FAM107B: variants seen among roughly 807,000 people sequenced by gnomAD.
FAM107B encodes protein FAM107B.
FAM107B carries 21 observed loss-of-function variants against 31.5 expected under a neutral mutation model. The observed-to-expected ratio is 0.67, with a 90% CI of 0.47 to 0.96. The LOEUF is 0.96. FAM107B is among the 40% of genes least tolerant of loss of function. FAM107B has a pLI of 0.00. For missense variants in FAM107B, 452 were observed against 377.1 expected (o/e 1.20, Z -1.64); for synonymous variants, 157 against 141.5 (o/e 1.11, Z -0.78).
At chr10:14,679,438 G>T (rs61046421) in intron 1 of FAM107B, among the ~76,000 whole-genome samples, 52,869 of 151,730 alleles carry the variant, frequency 0.35, 10,206 homozygotes, top group Non-Finnish European at 0.43. Flanking sequence ...GCAAAAAAAA[G>T]TTGAGGTTAT....
intron 1 of FAM107B, among the ~76,000 whole-genome samples, chr10:14,740,890 T>A (rs1401151752): frequency 6.6e-6 from 1 of 152,340 alleles, no homozygotes; most frequent in East Asian, 1.9e-4. Flanking sequence ...AGTCAATACA[T>A]CCTCTTTTTA....
intron 2 of FAM107B, among the ~76,000 whole-genome samples, chr10:14,656,530 C>T (rs935382834): frequency 3.3e-5 from 5 of 152,290 alleles, no homozygotes; most frequent in Non-Finnish European, 7.3e-5. Flanking sequence ...ATTCGGGTTC[C>T]TGGCATGCAA....
intron 1 of FAM107B, among the ~76,000 whole-genome samples, chr10:14,713,474 TGCC>T (rs1321558188): frequency 6.6e-6 from 1 of 152,190 alleles, no homozygotes; most frequent in Admixed American, 6.5e-5. Flanking sequence ...ACGAATCTCT[TGCC>T]ATTTCTGGAA....
At chr10:14,733,431 G>C (rs1178189381) in intron 1 of FAM107B, among the ~76,000 whole-genome samples, 1 of 152,126 alleles carries the variant, frequency 6.6e-6, no homozygotes, top group Admixed American at 6.6e-5. Context: ...ATGATGTTAA[G>C]TAGAAATGAT....
At chr10:14,655,777 G>T (rs1478298722) in intron 2 of FAM107B, among the ~76,000 whole-genome samples, 1 of 152,210 alleles carries the variant, frequency 6.6e-6, no homozygotes, top group African/African-American at 2.4e-5. Flanking sequence ...AGGGACTGAG[G>T]CTTAACCCTC....
intron 2 of FAM107B, among the ~76,000 whole-genome samples, chr10:14,654,519 G>T (rs1305707431): frequency 6.6e-6 from 1 of 152,148 alleles, no homozygotes; most frequent in East Asian, 1.9e-4. Context: ...TGAAGGATAA[G>T]AAATCAGAGG....
At chr10:14,625,622 A>C (rs1392560451) in intron 2 of FAM107B, among the ~76,000 whole-genome samples, 1 of 152,198 alleles carries the variant, frequency 6.6e-6, no homozygotes, top group Non-Finnish European at 1.5e-5. Flanking sequence ...AACAGGCAGA[A>C]GAGACAGAAG....
At chr10:14,746,301 G>T (rs1832726087) in intron 1 of FAM107B, among the ~76,000 whole-genome samples, 1 of 152,152 alleles carries the variant, frequency 6.6e-6, no homozygotes, top group Non-Finnish European at 1.5e-5. Context: ...TTACAATTAA[G>T]GTTAATATTG....
chr10:14,643,252 C>T (rs796936486), intron 2 of FAM107B, among the ~76,000 whole-genome samples: 14 of 152,036 alleles, frequency 9.2e-5, no homozygotes, highest in African/African-American at 3.1e-4. Flanking sequence ...CAAAAGCTGG[C>T]AGGCTTAAAA....
At chr10:14,537,109 C>G (rs889854299) in intron 2 of FAM107B, among the ~76,000 whole-genome samples, 4 of 152,140 alleles carry the variant, frequency 2.6e-5, no homozygotes, top group African/African-American at 9.7e-5. Context: ...TAGGTGGCGA[C>G]ACCTCCTCAA....
intron 2 of FAM107B, chr10:14,612,407 G>A (rs1261961801): frequency 1.3e-5 from 2 of 152,208 alleles, no homozygotes; most frequent in Non-Finnish European, 2.9e-5. Flanking sequence ...GGCAGTTTCT[G>A]GAAAGGTTTT....
At chr10:14,679,008 T>C (rs947655373) in intron 1 of FAM107B, among the ~76,000 whole-genome samples, 3 of 152,192 alleles carry the variant, frequency 2.0e-5, no homozygotes, top group African/African-American at 7.2e-5. Context: ...CCTGCTGGCA[T>C]CCCACAGGGG....
At chr10:14,679,137 CT>C (rs5783418) in intron 1 of FAM107B, among the ~76,000 whole-genome samples, 1 of 150,724 alleles carries the variant, frequency 6.6e-6, no homozygotes, top group Non-Finnish European at 1.5e-5. Context: ...ATTTGTTTTC[CT>C]TTTTTTTTGG....
chr10:14,761,453 T>C (rs986407168), intron 1 of FAM107B, among the ~76,000 whole-genome samples: 1 of 152,214 alleles, frequency 6.6e-6, no homozygotes, highest in Non-Finnish European at 1.5e-5. Flanking sequence ...AGATAATACA[T>C]CTGTGTAGTA....
At chr10:14,566,903 G>C (rs1032375503) in intron 2 of FAM107B, among the ~76,000 whole-genome samples, 1 of 152,220 alleles carries the variant, frequency 6.6e-6, no homozygotes, top group African/African-American at 2.4e-5. Flanking sequence ...TGTAATCCCA[G>C]CACTTTGGGA....
chr10:14,644,834 G>A (rs1853713500), intron 2 of FAM107B, among the ~76,000 whole-genome samples: 1 of 152,190 alleles, frequency 6.6e-6, no homozygotes, highest in Admixed American at 6.5e-5. Context: ...TTTCTTAGAT[G>A]CTTCCTCTGT....
chr10:14,539,337 A>C (rs1038778234), intron 2 of FAM107B, among the ~76,000 whole-genome samples: 7 of 152,226 alleles, frequency 4.6e-5, no homozygotes, highest in Admixed American at 2.6e-4. Flanking sequence ...CTGATGGTCA[A>C]GCAATGACAG....
chr10:14,683,451 T>C (rs575571284), intron 1 of FAM107B, among the ~76,000 whole-genome samples: 18 of 152,336 alleles, frequency 1.2e-4, no homozygotes, highest in African/African-American at 3.6e-4. Flanking sequence ...CAACATTCGT[T>C]GCACGGTGGA....
In FAM107B at chr10:14,580,737, T is replaced by C. The variant is rs147649853; in HGVS notation, c.470-50222A>G. 2.7e-3 allele frequency among the ~76,000 whole-genome samples: 417 copies of C among 152,116 alleles called. 1 individual carries two copies. Among genetic ancestry groups the C allele is most frequent in the African/African-American group, 9.6e-3 (398 of 41,492 alleles). On this transcript the variant is annotated intron_variant, in intron 2 of 4. Coordinates refer to ENST00000181796, the MANE Select transcript of FAM107B (RefSeq NM_031453.4). ...AAGGCCAAAGACATAGGATTATGCC[T>C]AGCCTTTAATTCACTGCTCTTTAAA...
Sources: gnomAD v4.1 joint callset for allele counts (sites outside exome capture counted in the v4.1 genomes callset) on GRCh38, gnomAD v4.1.1 for gene constraint, MANE v1.5 for transcripts, NCBI Gene and HGNC (gene_info 2026-07-23, HGNC 2026-07-21) for gene names.